ELOVL2: variants seen among roughly 807,000 people sequenced by gnomAD.
ELOVL2 encodes the protein ELOVL fatty acid elongase 2.
In ELOVL2, 38 loss-of-function variants were observed where a neutral mutation model predicts 37.7. The ratio of observed to expected loss-of-function variants is 1.01; its 90% CI spans 0.78 to 1.32. ELOVL2 has a LOEUF of 1.32. Among genes scored for constraint, ELOVL2 ranks in the 40% most tolerant of loss-of-function variants. The probability of loss-of-function intolerance (pLI) is 0.00; values close to 1 mark genes in which losing one functional copy is unlikely to be tolerated. For synonymous variants in ELOVL2, 115 were observed against 122.3 expected (o/e 0.94, Z 0.40); for missense variants, 352 against 363.6 (o/e 0.97, Z 0.26).
At chr6:11,041,906 G>A (rs1581885726) in intron 1 of ELOVL2, among the ~76,000 whole-genome samples, 1 of 152,254 alleles carries the variant, frequency 6.6e-6, no homozygotes, top group East Asian at 1.9e-4. Context: ...TTACAAGACA[G>A]TTCATATTGG....
At chr6:11,007,122 A>G (rs1302663664) in intron 2 of ELOVL2, among the ~76,000 whole-genome samples, 1 of 152,216 alleles carries the variant, frequency 6.6e-6, no homozygotes, top group Non-Finnish European at 1.5e-5. Flanking sequence ...ATATCATCCC[A>G]GTTTACCCTT....
intron 3 of ELOVL2, among the ~76,000 whole-genome samples, chr6:11,001,212 T>C (rs989276307): frequency 6.6e-6 from 1 of 152,230 alleles, no homozygotes; most frequent in African/African-American, 2.4e-5. Context: ...TTTAGAACCT[T>C]TGTGAGACTT....
At chr6:10,995,721 T>TTAAC (rs1481243572) in intron 4 of ELOVL2, among the ~76,000 whole-genome samples, 1 of 152,244 alleles carries the variant, frequency 6.6e-6, no homozygotes, top group African/African-American at 2.4e-5. Context: ...TCAAATTACT[T>TTAAC]TAACTGTGGC....
intron 5 of ELOVL2, among the ~76,000 whole-genome samples, chr6:10,991,488 T>TTAAG (rs1782157298): frequency 6.6e-6 from 1 of 152,172 alleles, no homozygotes. Context: ...TAACTAGCTC[T>TTAAG]TAAGTTTGGG....
chr6:11,024,707 T>C (rs761782346), intron 1 of ELOVL2, among the ~76,000 whole-genome samples: 1 of 152,236 alleles, frequency 6.6e-6, no homozygotes, highest in Non-Finnish European at 1.5e-5. Context: ...ACTGGCTCTA[T>C]AGTATTGTTG....
intron 1 of ELOVL2, among the ~76,000 whole-genome samples, chr6:11,038,002 C>T (rs1297487241): frequency 6.6e-6 from 1 of 152,172 alleles, no homozygotes; most frequent in African/African-American, 2.4e-5. Context: ...AAAAGTACTA[C>T]TGCCTTTCTC....
intron 1 of ELOVL2, among the ~76,000 whole-genome samples, chr6:11,012,886 CAAAT>C (rs1782608970): frequency 6.6e-6 from 1 of 151,966 alleles, no homozygotes; most frequent in South Asian, 2.1e-4. Context: ...GAGTAATACA[CAAAT>C]AAATAAAAAA....
At chr6:11,023,889 A>G (rs1318403033) in intron 1 of ELOVL2, among the ~76,000 whole-genome samples, 1 of 152,226 alleles carries the variant, frequency 6.6e-6, no homozygotes, top group Non-Finnish European at 1.5e-5. Flanking sequence ...TGAGCAAAAA[A>G]ATTGGTGAAA....
At chr6:11,041,565 A>G (rs1426222673) in intron 1 of ELOVL2, among the ~76,000 whole-genome samples, 1 of 152,236 alleles carries the variant, frequency 6.6e-6, no homozygotes. Flanking sequence ...ACTTAAGTCA[A>G]TAAGGTATCT....
intron 5 of ELOVL2, among the ~76,000 whole-genome samples, chr6:10,991,110 G>T (rs1261313288): frequency 6.6e-6 from 1 of 152,226 alleles, no homozygotes; most frequent in Non-Finnish European, 1.5e-5. Context: ...CTCTGTAACT[G>T]CCTCCACCAT....
At chr6:11,040,623 C>T (rs1449281718) in intron 1 of ELOVL2, among the ~76,000 whole-genome samples, 3 of 152,050 alleles carry the variant, frequency 2.0e-5, no homozygotes, top group African/African-American at 7.2e-5. Flanking sequence ...TATTGGACAG[C>T]AATATTAGTT....
At chr6:10,995,539 A>G (rs1398480127) in intron 4 of ELOVL2, among the ~76,000 whole-genome samples, 1 of 152,184 alleles carries the variant, frequency 6.6e-6, no homozygotes, top group Non-Finnish European at 1.5e-5. Context: ...GTGCTGGAAC[A>G]GTGGCCTGCT....
Position 10,990,667 on chromosome 6 carries a change from G to GCCCC in ELOVL2, c.506-229_506-226dup, listed in dbSNP as rs372558428. 2.5e-4 allele frequency among the ~76,000 whole-genome samples: 36 copies of GCCCC among 143,096 alleles called. 1 individual carries two copies. The highest frequency in any genetic ancestry group is 8.6e-4 in the African/African-American group (33 of 38,370). The allele number at this position is 143,096 out of a possible 152,430, so 93.9% of individuals were successfully genotyped here. The stretch of plus-strand genomic sequence containing the variant: ...GTAGCCTGGGATGGTTTTTCAGAAT[G>GCCCC]CCCCCCCCCCGCCACACAGGGGAAC... On this transcript the variant is annotated intron_variant, in intron 5 of 7. Coordinates refer to ENST00000354666, the MANE Select transcript of ELOVL2 (RefSeq NM_017770.4).
intron 2 of ELOVL2, among the ~76,000 whole-genome samples, chr6:11,008,844 A>G (rs1021187358): frequency 6.6e-6 from 1 of 152,214 alleles, no homozygotes; most frequent in African/African-American, 2.4e-5. Context: ...CATTTAGAAC[A>G]GTTAATAGAG....
In ELOVL2 at chr6:11,044,126, G is replaced by A; in HGVS notation, c.3+102C>T. The A allele has an allele frequency of 7.5e-7, 1 of 1,329,642 alleles. No homozygotes were observed. The highest frequency in any genetic ancestry group is 1.7e-5 in the South Asian group (1 of 57,596). The allele number at this position is 1,329,642 out of a possible 1,614,324, so 82.4% of individuals were successfully genotyped here. On this transcript the variant is annotated intron_variant, in intron 1 of 7. Coordinates refer to ENST00000354666, the MANE Select transcript of ELOVL2 (RefSeq NM_017770.4). The surrounding 1 kb of genome is among the most constrained non-coding windows in gnomAD (Gnocchi z 5.6). ...AGCGGGTTCCAGCGGCGAACCCGCA[G>A]CGCCCGCGCCGGCGCCCGCTCGGCC...
intron 7 of ELOVL2, among the ~76,000 whole-genome samples, chr6:10,986,360 C>T (rs919874222): frequency 6.6e-6 from 1 of 152,170 alleles, no homozygotes; most frequent in African/African-American, 2.4e-5. Flanking sequence ...TGCCTAATTG[C>T]CCTGGCCAGA....
At chr6:10,999,567 G>C (rs1348005752) in intron 4 of ELOVL2, among the ~76,000 whole-genome samples, 1 of 151,934 alleles carries the variant, frequency 6.6e-6, no homozygotes. Context: ...GTAGAGACGG[G>C]GTTTCACTAT....
Sources: gnomAD v4.1 joint callset for allele counts (sites outside exome capture counted in the v4.1 genomes callset) on GRCh38, gnomAD v4.1.1 for gene constraint, Gnocchi (gnomAD v3.1) non-coding constraint, MANE v1.5 for transcripts, NCBI Gene and HGNC (gene_info 2026-07-23, HGNC 2026-07-21) for gene names.